COL4A4: variants seen among roughly 807,000 people sequenced by gnomAD.
The protein encoded by COL4A4 is collagen type IV alpha 4 chain.
A neutral mutation model predicts 192.9 loss-of-function variants in COL4A4; 105 were observed. The observed-to-expected ratio is 0.54, with a 90% CI of 0.46 to 0.64. The LOEUF is 0.64. COL4A4 is among the 30% of genes least tolerant of loss of function. The pLI is 0.00. For synonymous variants in COL4A4, 762 were observed against 769.9 expected, an observed-to-expected ratio of 0.99 and a Z score of 0.17; for missense variants, 1,967 against 2,169.3, an observed-to-expected ratio of 0.91 and a Z score of 1.85.
chr2:227,161,577 T>G (rs1249951048), intron 1 of COL4A4, among the ~76,000 whole-genome samples: 2 of 152,196 alleles, frequency 1.3e-5, no homozygotes, highest in African/African-American at 4.8e-5. Flanking sequence ...TGTCAAACAT[T>G]GTTCTAAATG....
chr2:227,007,908 T>G, intron 47 of COL4A4, 110 bp downstream of exon 47: 1 of 1,363,584 alleles, frequency 7.3e-7, no homozygotes, highest in Non-Finnish European at 1.0e-6. Flanking sequence ...CGTAACCTTA[T>G]GTCCTAAGCG....
At position 227,080,493 on chromosome 2, in the gene COL4A4, A is replaced by T. The variant is rs1415614071; in HGVS notation, c.1753T>A (p.Ser585Thr). 1 of 1,613,994 alleles carries T rather than the reference A, an allele frequency of 6.2e-7. No individual in the cohort carries two copies. The highest frequency in any genetic ancestry group is 8.5e-7 in the Non-Finnish European group (1 of 1,180,020). Reference sequence around the variant, plus strand: ...CCAGCATGTCCATCCCGACCATGTGATCCTGGCTGCCCTGGAAATCCTGGG... The same window carrying T: ...CCAGCATGTCCATCCCGACCATGTGTTCCTGGCTGCCCTGGAAATCCTGGG... ...GPPGFPGQPG[S>T]HGRDGHAGEK... Residue 585 changes from serine to threonine, a missense_variant, in exon 24 of 48, where the codon TCA becomes ACA. By Grantham distance (58) the Ser-to-Thr change is moderately conservative. Coordinates refer to ENST00000396625, the MANE Select transcript of COL4A4 (RefSeq NM_000092.5).
chr2:227,030,627 C>A (rs770689737), intron 40 of COL4A4, 29 bp from the exon 41 acceptor site: 52 of 1,551,574 alleles, frequency 3.4e-5, no homozygotes, highest in Admixed American at 3.2e-4. Context: ...CAAAAATATT[C>A]TTTTAGTCAA....
intron 12 of COL4A4, among the ~76,000 whole-genome samples, chr2:227,104,922 T>A (rs1327054850): frequency 8.8e-6 from 1 of 113,618 alleles, no homozygotes; most frequent in African/African-American, 2.9e-5. Flanking sequence ...ATTACAAGCG[T>A]GAGCCACCGC....
intron 44 of COL4A4, among the ~76,000 whole-genome samples, chr2:227,017,878 G>T (rs2149812771): frequency 1.3e-5 from 2 of 152,178 alleles, no homozygotes; most frequent in East Asian, 1.9e-4. Flanking sequence ...GAGGTTTGTT[G>T]TACTGATGAT....
rs1327291312 is a variant in COL4A4, at chr2:227,030,493, G to A, written c.3923C>T (p.Pro1308Leu). The change falls in exon 41 of 48, where the codon CCT becomes CTT. Residue 1308 changes from proline to leucine, a missense_variant. Physicochemically the swap from Pro to Leu is moderately conservative, Grantham distance 98. Transcript: ENST00000396625. ...TCCTGGAAAGCCTTTGTATCCTGGA[G>A]GGCCTGGTGGGCCAGGGGGACCTGG... ...GPPGPPGPPG[P>L]PGYKGFPGCD... is the part of the protein sequence containing the mutation. 10 of 1,614,100 alleles carry A rather than the reference G, an allele frequency of 6.2e-6. No homozygotes were observed. Among genetic ancestry groups the A allele is most frequent in the Non-Finnish European group, 8.5e-6 (10 of 1,180,020 alleles).
At chr2:227,085,167 A>C (rs1408060435) in intron 22 of COL4A4, among the ~76,000 whole-genome samples, 1 of 150,020 alleles carries the variant, frequency 6.7e-6, no homozygotes, top group Non-Finnish European at 1.5e-5. Flanking sequence ...CAAAAAAAAC[A>C]CTTCCTCTCT....
chr2:227,147,627 T>C (rs1380229452), intron 1 of COL4A4, 43 bp from the exon 2 acceptor site: 3 of 701,760 alleles, frequency 4.3e-6, no homozygotes, highest in Non-Finnish European at 7.6e-6. Context: ...GCATGCATTA[T>C]AATGTTGAAA....
chr2:227,033,347 A>G (rs1410023838), intron 38 of COL4A4, 63 bp downstream of exon 38: 11 of 1,337,480 alleles, frequency 8.2e-6, no homozygotes, highest in Non-Finnish European at 1.2e-5. Context: ...CAGGGAGGGT[A>G]CCACTTTCTC....
intron 9 of COL4A4, among the ~76,000 whole-genome samples, chr2:227,109,760 A>G (rs971763106): frequency 1.3e-5 from 2 of 151,666 alleles, no homozygotes; most frequent in Non-Finnish European, 2.9e-5. Flanking sequence ...AAAAAAAAAA[A>G]GCACCAAGCT....
the COL4A4 span, among the ~76,000 whole-genome samples, chr2:226,987,699 C>G: frequency 6.6e-6 from 1 of 152,200 alleles, no homozygotes; most frequent in Non-Finnish European, 1.5e-5. Context: ...TGTGCCAGAT[C>G]GTGGTGGACC....
At chr2:227,026,415 C>T (rs147618578) in intron 42 of COL4A4, among the ~76,000 whole-genome samples, 2,131 of 151,018 alleles carry the variant, frequency 0.014, 47 homozygotes, top group African/African-American at 0.049. Context: ...GGAGAACGGG[C>T]GTGAACCCGG....
At chr2:227,136,936 G>C (rs1054653283) in intron 4 of COL4A4, among the ~76,000 whole-genome samples, 1 of 151,958 alleles carries the variant, frequency 6.6e-6, no homozygotes. Flanking sequence ...AAGGTTGGCC[G>C]GCTGCTGAGG....
chr2:227,057,009 C>CTAATACA (rs1975527933), intron 29 of COL4A4, among the ~76,000 whole-genome samples: 1 of 152,178 alleles, frequency 6.6e-6, no homozygotes, highest in South Asian at 2.1e-4. Context: ...GGAGACACTC[C>CTAATACA]AGGGGTCTCT....
At chr2:227,022,499 C>A (rs1333389753) in intron 43 of COL4A4, 1 of 571,766 alleles carries the variant, frequency 1.7e-6, no homozygotes, top group African/African-American at 1.9e-5. Flanking sequence ...CACAGGATTG[C>A]CCAATCTCTG....
intron 4 of COL4A4, among the ~76,000 whole-genome samples, chr2:227,128,211 C>A (rs567844887): frequency 1.9e-4 from 29 of 152,280 alleles, no homozygotes; most frequent in African/African-American, 6.7e-4. Context: ...CCTACCTGAG[C>A]CTGAGCCTAG....
In COL4A4 at chr2:227,027,892, G is replaced by A. The variant is rs1228230729; in HGVS notation, c.4081+10C>T. 6.3e-7 allele frequency: 1 copy of A among 1,575,456 alleles called. No individual in the cohort carries two copies. Among genetic ancestry groups the A allele is most frequent in the Non-Finnish European group, 8.7e-7 (1 of 1,145,172 alleles). On this transcript the variant is annotated intron_variant, in intron 42 of 47. Transcript: ENST00000396625. ...TTAAACAAAATGCTGTATGTAGGTT[G>A]GAAGCTCACCCGGAAGACCAGTGGG...
chr2:227,139,974 A>G (rs146164945), intron 4 of COL4A4, among the ~76,000 whole-genome samples, 187 bp downstream of exon 4: 2 of 152,336 alleles, frequency 1.3e-5, no homozygotes, highest in East Asian at 3.9e-4. Flanking sequence ...TTCCTAGACT[A>G]TCTTCTAAGC....
chr2:226,968,242 G>T, the COL4A4 span, among the ~76,000 whole-genome samples: 1 of 152,162 alleles, frequency 6.6e-6, no homozygotes, highest in Non-Finnish European at 1.5e-5. Context: ...GGTTCAACCA[G>T]GAGACAAAAC....
Sources: allele counts gnomAD v4.1 joint callset (sites outside exome capture counted in the v4.1 genomes callset), GRCh38; gene constraint gnomAD v4.1.1; transcripts MANE v1.5; gene names NCBI Gene and HGNC (gene_info 2026-07-23, HGNC 2026-07-21).